LRRC2: variants seen among roughly 807,000 people sequenced by gnomAD.
LRRC2 encodes the protein leucine-rich repeat-containing protein 2.
LRRC2 carries 27 observed loss-of-function variants against 40.2 expected under a neutral mutation model. The observed-to-expected ratio is 0.67, with a 90% confidence interval of 0.49 to 0.93. LRRC2 has a LOEUF of 0.93. Ranked by LOEUF, LRRC2 falls within the 40% of genes least tolerant of loss-of-function variation. The pLI, the probability that LRRC2 is intolerant of heterozygous loss-of-function variation, is 0.00. For missense variants in LRRC2, 402 were observed against 439.6 expected (o/e 0.91, Z 0.76); for synonymous variants, 147 against 158.9 (o/e 0.92, Z 0.56).
In LRRC2 at chr3:46,549,624, A is replaced by G. The variant is rs1418179715; in HGVS notation, c.125+1843T>C. Among the ~76,000 whole-genome samples the G allele has an allele frequency of 2.0e-5, 3 of 152,346 alleles. No homozygotes were observed. The East Asian group carries it at 5.8e-4, about 29-fold the overall frequency. ...CCAAGTCAAGCTCAATCCTATGTACATGAGATGCGTGAAGCTGTTTAACAC... is the reference window on the plus strand; with the variant it reads ...CCAAGTCAAGCTCAATCCTATGTACGTGAGATGCGTGAAGCTGTTTAACAC... On this transcript the variant is annotated intron_variant, in intron 2 of 8. Transcript: ENST00000395905.
At chr3:46,564,243 A>G (rs1214605404) in intron 1 of LRRC2, among the ~76,000 whole-genome samples, 1 of 149,678 alleles carries the variant, frequency 6.7e-6, no homozygotes, top group East Asian at 1.9e-4. Flanking sequence ...CTGACAGGGC[A>G]GGTTTGGCTG....
chr3:46,529,103 G>A (rs182247406), intron 6 of LRRC2, among the ~76,000 whole-genome samples: 113 of 143,362 alleles, frequency 7.9e-4, no homozygotes, highest in African/African-American at 2.8e-3. Flanking sequence ...GGCAGCTAAC[G>A]GGACTCTGTC....
At position 46,545,090 on chromosome 3, in the gene LRRC2, G is replaced by A. The variant is rs750947485; in HGVS notation, c.289C>T (p.Arg97Trp). ...AGTTCAAACACAAACGCACTGCTCC[G>A]TTTGCCTCTGTCCTTGGGAAGTGAA... The part of the protein sequence containing the change: ...QSSLPKDRGK[R>W]SSAFVFELSG... The change falls in exon 3 of 9, where the codon CGG (arginine) becomes TGG (tryptophan). Residue 97 changes from arginine (R) to tryptophan (W), a missense_variant. By Grantham distance (101) the Arg-to-Trp change is moderately radical. Transcript: ENST00000395905. 42 of 1,613,740 alleles carry A rather than the reference G, an allele frequency of 2.6e-5. No homozygotes were observed. Among genetic ancestry groups the A allele is most frequent in the South Asian group, 1.4e-4 (13 of 91,066 alleles).
At position 46,517,597 on chromosome 3, in the gene LRRC2, TC is replaced by T. The variant is rs1316767020; in HGVS notation, c.*1416del. On this transcript the variant is annotated 3_prime_UTR_variant, in exon 9 of 9. Coordinates refer to ENST00000395905, the MANE Select transcript of LRRC2 (RefSeq NM_024512.5). The stretch of plus-strand genomic sequence containing the variant: ...CTCAAACAACCTGCTTGCCTCAGCC[TC>T]CCATAGTGCTGGGATTATAGGTGTG... 6.6e-6 allele frequency: 1 copy of T among 152,210 alleles called. No individual in the cohort carries two copies. Among genetic ancestry groups the T allele is most frequent in the Non-Finnish European group, 1.5e-5 (1 of 68,056 alleles). The allele number at this position is 152,210 out of a possible 1,614,324, so 9.4% of individuals were successfully genotyped here.
At chr3:46,533,302 AG>A (rs1204657185) in intron 4 of LRRC2, among the ~76,000 whole-genome samples, 4 of 152,184 alleles carry the variant, frequency 2.6e-5, no homozygotes, top group Non-Finnish European at 5.9e-5. Context: ...CCTAATTTCC[AG>A]TAAGGGGAAG....
intron 4 of LRRC2, among the ~76,000 whole-genome samples, chr3:46,535,412 G>C (rs551518538): frequency 6.6e-6 from 1 of 152,186 alleles, no homozygotes; most frequent in South Asian, 2.1e-4. Flanking sequence ...ATTATAAGTT[G>C]GATAAAATAT....
chr3:46,547,924 C>T (rs551366811), intron 2 of LRRC2, among the ~76,000 whole-genome samples: 1 of 152,110 alleles, frequency 6.6e-6, no homozygotes, highest in Admixed American at 6.6e-5. Flanking sequence ...CTTACTGTAG[C>T]AGTCAGGACA....
At chr3:46,565,809 T>G (rs1705045104) in intron 1 of LRRC2, among the ~76,000 whole-genome samples, 1 of 152,172 alleles carries the variant, frequency 6.6e-6, no homozygotes, top group Admixed American at 6.5e-5. Context: ...TTGATTTATC[T>G]CCCCTGGACA....
Position 46,529,939 on chromosome 3 carries a change from T to G in LRRC2, c.739A>C (p.Asn247His). The change falls in exon 6 of 9, where the codon AAT (asparagine) becomes CAT (histidine). Residue 247 changes from asparagine to histidine, a missense_variant. Physicochemically the swap from Asn to His is moderately conservative, Grantham distance 68. Transcript: ENST00000395905. ...TCTTGCGGCAGGTCGGTCAGGTTAT[T>G]GCTGCTGATATCCAACCACTGCAAA... ...SNLQWLDISS[N>H]NLTDLPQDID... 6.2e-7 allele frequency: 1 copy of G among 1,614,152 alleles called. No individual in the cohort carries two copies. The highest frequency in any genetic ancestry group is 1.1e-5 in the South Asian group (1 of 91,086).
chr3:46,560,637 G>A (rs1177551314), intron 1 of LRRC2, among the ~76,000 whole-genome samples: 1 of 152,202 alleles, frequency 6.6e-6, no homozygotes, highest in Non-Finnish European at 1.5e-5. Flanking sequence ...CGTTGAATTT[G>A]ACAGCAAAGT....
chr3:46,533,750 T>TTCCTTCC (rs1559411858), intron 4 of LRRC2, among the ~76,000 whole-genome samples: 3,390 of 109,714 alleles, frequency 0.031, 138 homozygotes, highest in African/African-American at 0.084. Context: ...TCCTTCCTTC[T>TTCCTTCC]TCCTTCCCTC....
intron 1 of LRRC2, among the ~76,000 whole-genome samples, chr3:46,554,203 A>G (rs187975371): frequency 2.0e-5 from 3 of 152,056 alleles, no homozygotes; most frequent in Non-Finnish European, 2.9e-5. Flanking sequence ...TATTTTTTGT[A>G]GAGATGGTGG....
chr3:46,562,099 C>T (rs1405794505), intron 1 of LRRC2, among the ~76,000 whole-genome samples: 1 of 152,212 alleles, frequency 6.6e-6, no homozygotes, highest in Non-Finnish European at 1.5e-5. Flanking sequence ...GACTTAGTGA[C>T]TCACTTCTAA....
chr3:46,556,576 CTTT>C (rs143635012), intron 1 of LRRC2, among the ~76,000 whole-genome samples: 1 of 104,770 alleles, frequency 9.5e-6, no homozygotes, highest in Non-Finnish European at 1.9e-5. Flanking sequence ...GTCATTATTT[CTTT>C]TTTTTTTTTT....
intron 5 of LRRC2, 104 bp from the exon 6 acceptor site, chr3:46,530,154 G>T: frequency 1.1e-6 from 1 of 906,238 alleles, no homozygotes; most frequent in South Asian, 1.6e-5. Context: ...GCATTTCTAT[G>T]AATATATGCA....
chr3:46,517,281 T>G lies in LRRC2; in HGVS notation c.*1733A>C, dbSNP rs1310798333. 8.1e-6 allele frequency: 1 copy of G among 124,210 alleles called. No individual in the cohort carries two copies. The highest frequency in any genetic ancestry group is 1.9e-5 in the Non-Finnish European group (1 of 52,984). 7.7% of individuals were successfully genotyped at this position (124,210 alleles called of 1,614,324 possible). A position where few individuals can be genotyped will look rare whatever the true frequency, so the allele number is the denominator to read the frequency against. On this transcript the variant is annotated 3_prime_UTR_variant, in exon 9 of 9. Coordinates refer to ENST00000395905, the MANE Select transcript of LRRC2 (RefSeq NM_024512.5). ...TTCTTAGTCACAAAAGCTGCTTGTT[T>G]TTGTTTTTTTTTTTTTAGTTATAAC... is the stretch of plus-strand genomic sequence containing the variant.
chr3:46,522,179 A>T lies in LRRC2; in HGVS notation c.930-521T>A, dbSNP rs374488568. Among the ~76,000 whole-genome samples the T allele has an allele frequency of 3.4e-4, 51 of 152,126 alleles. No individual in the cohort carries two copies. In the South Asian group the frequency reaches 0.01, roughly 30 times the overall value. ...CACCTGAGGTCAGGAGTTCAAGACCAGCCTAAACAACATGGTGAAACCCTG... is the reference window on the plus strand; with the variant it reads ...CACCTGAGGTCAGGAGTTCAAGACCTGCCTAAACAACATGGTGAAACCCTG... On this transcript the variant is annotated intron_variant, in intron 7 of 8. Coordinates refer to ENST00000395905, the MANE Select transcript of LRRC2 (RefSeq NM_024512.5).
At chr3:46,549,111 C>T (rs977994241) in intron 2 of LRRC2, among the ~76,000 whole-genome samples, 1 of 152,110 alleles carries the variant, frequency 6.6e-6, no homozygotes, top group African/African-American at 2.4e-5. Flanking sequence ...GTTTAAGTAT[C>T]GGTATATACT....
At chr3:46,521,436 G>A in intron 8 of LRRC2, 86 bp downstream of exon 8, 3 of 1,118,180 alleles carry the variant, frequency 2.7e-6, no homozygotes, top group South Asian at 1.7e-5. Flanking sequence ...TAAACTTTTT[G>A]TCAATTTGAC....
Sources: allele counts gnomAD v4.1 joint callset (sites outside exome capture counted in the v4.1 genomes callset), GRCh38; gene constraint gnomAD v4.1.1; transcripts MANE v1.5; gene names NCBI Gene and HGNC (gene_info 2026-07-23, HGNC 2026-07-21).